The following PCDHGB7 variants were observed in gnomAD, a reference collection of about 807,000 sequenced individuals.
PCDHGB7 encodes protocadherin gamma subfamily B, 7.
Under a neutral mutation model 61.4 loss-of-function variants are expected in PCDHGB7, and 37 were observed. The observed-to-expected ratio is 0.60, with a 90% CI of 0.46 to 0.79. The LOEUF (loss-of-function observed/expected upper bound fraction) is 0.79. Among genes scored for constraint, PCDHGB7 ranks in the 30% least tolerant of loss-of-function variants. PCDHGB7 has a pLI of 0.00. For synonymous variants in PCDHGB7, 464 were observed against 503.5 expected (o/e 0.92, Z 1.05); for missense variants, 1,166 against 1,202.5 (o/e 0.97, Z 0.45).
At chr5:141,499,689 CTTT>C (rs545067566) in intron 2 of PCDHGB7, among the ~76,000 whole-genome samples, 2 of 119,848 alleles carry the variant, frequency 1.7e-5, no homozygotes, top group African/African-American at 3.1e-5. Context: ...TAACAGATGA[CTTT>C]TTTTTTTTTT....
chr5:141,505,794 G>A (rs1423502957), intron 3 of PCDHGB7, among the ~76,000 whole-genome samples: 1 of 152,142 alleles, frequency 6.6e-6, no homozygotes, highest in East Asian at 1.9e-4. Context: ...CTATCCTTGG[G>A]ACTTGGATCG....
chr5:141,464,208 T>G (rs915798868), intron 1 of PCDHGB7, among the ~76,000 whole-genome samples: 1 of 148,120 alleles, frequency 6.8e-6, no homozygotes, highest in Admixed American at 6.9e-5. Context: ...GAGATTGCAG[T>G]GAGCTGAGAT....
rs770930842 is a variant in PCDHGB7 at position 141,432,673 on chromosome 5, C to G, written c.2415+12399C>G. 10 of 1,613,804 alleles carry G rather than the reference C, an allele frequency of 6.2e-6. No homozygotes were observed. The East Asian group carries it at 1.3e-4, about 22-fold the overall frequency. ...GAGCCCTGCTGGACAGAGACGCGCT[C>G]AAGCAGAGCCTCGTAGTGGCCGTCC... is the stretch of plus-strand genomic sequence containing the variant. On this transcript the variant is annotated intron_variant, in intron 1 of 3. Transcript: ENST00000398594. The surrounding 1 kb of genome is among the most constrained non-coding windows in gnomAD (Gnocchi z 6.0).
chr5:141,431,474 G>T lies in PCDHGB7; in HGVS notation c.2415+11200G>T, dbSNP rs747313827. 3.7e-6 allele frequency: 6 copies of T among 1,613,842 alleles called. No homozygotes were observed. The South Asian group carries it at 6.6e-5, about 18-fold the overall frequency. ...GATGGTTCTGGATGCGAACGACAAC[G>T]CACCAGCGTTTGCTCAGCCCGAGTA... is the stretch of plus-strand genomic sequence containing the variant. On this transcript the variant is annotated intron_variant, in intron 1 of 3. Transcript: ENST00000398594. The surrounding 1 kb of genome is among the most constrained non-coding windows in gnomAD (Gnocchi z 4.8).
intron 1 of PCDHGB7, among the ~76,000 whole-genome samples, chr5:141,475,007 G>A (rs1017671344): frequency 2.0e-5 from 3 of 152,178 alleles, no homozygotes; most frequent in East Asian, 1.9e-4. Flanking sequence ...ATGCAGAAAA[G>A]TTAAGGCTCT....
Position 141,490,602 on chromosome 5 carries a change from C to G in PCDHGB7, c.2416-4205C>G, listed in dbSNP as rs1249440194. On this transcript the variant is annotated intron_variant, in intron 1 of 3. Transcript: ENST00000398594. This position sits in a 1 kb window ranked among gnomAD's most constrained non-coding sequence, Gnocchi z 5.4. Reference sequence around the variant, plus strand: ...ATGTCAATGACAATGCACCCCGCTTCAACCAGCAGCTTTACACTGCTTACA... The same window carrying G: ...ATGTCAATGACAATGCACCCCGCTTGAACCAGCAGCTTTACACTGCTTACA... The G allele has an allele frequency of 6.2e-7, 1 of 1,614,084 alleles. No individual in the cohort carries two copies. Among genetic ancestry groups the G allele is most frequent in the African/African-American group, 1.3e-5 (1 of 74,930 alleles).
chr5:141,429,395 A>AAT (rs2097212201), intron 1 of PCDHGB7, among the ~76,000 whole-genome samples: 7 of 152,008 alleles, frequency 4.6e-5, no homozygotes, highest in African/African-American at 1.7e-4. Flanking sequence ...TTTAAAAAAA[A>AAT]TTGAGATTAA....
At chr5:141,430,817 C>T (rs200369093) in intron 1 of PCDHGB7, 2 of 1,539,796 alleles carry the variant, frequency 1.3e-6, no homozygotes, top group Non-Finnish European at 1.7e-6. Flanking sequence ...GGGAATCCTC[C>T]TGGGGACTCT....
At chr5:141,484,155 T>G (rs2099592564) in intron 1 of PCDHGB7, among the ~76,000 whole-genome samples, 1 of 152,224 alleles carries the variant, frequency 6.6e-6, no homozygotes, top group Non-Finnish European at 1.5e-5. Context: ...GTAGGCACAA[T>G]GCTGTTGGTA....
intron 1 of PCDHGB7, chr5:141,422,968 C>A (rs766010601): frequency 6.2e-7 from 1 of 1,614,240 alleles, no homozygotes; most frequent in Non-Finnish European, 8.5e-7. Context: ...GCTGGCGCCC[C>A]GCTCTGCGGA....
In PCDHGB7 at chr5:141,438,090, A is replaced by G. The variant is rs560861677; in HGVS notation, c.2415+17816A>G. 1.2e-4 allele frequency among the ~76,000 whole-genome samples: 18 copies of G among 152,310 alleles called. No individual in the cohort carries two copies. In the South Asian group the frequency reaches 3.5e-3, roughly 30 times the overall value. ...CATACTTAATGGAAAATTACCAGTA[A>G]CAGGGCATACTGTTTAGGATGCATT... On this transcript the variant is annotated intron_variant, in intron 1 of 3. Coordinates refer to ENST00000398594, the MANE Select transcript of PCDHGB7 (RefSeq NM_018927.4).
At chr5:141,458,264 G>A (rs1489144612) in intron 1 of PCDHGB7, among the ~76,000 whole-genome samples, 3 of 152,092 alleles carry the variant, frequency 2.0e-5, no homozygotes, top group Non-Finnish European at 2.9e-5. Flanking sequence ...GATGAGTGGA[G>A]GAACAACAGG....
rs2096383167 is a variant in PCDHGB7, at chr5:141,419,435, C to CGCACCT, written c.1577_1582dup (p.Thr527_Phe528insCysThr). On this transcript the variant is annotated inframe_insertion, in exon 1 of 4. Transcript: ENST00000398594. ...GCGCGCCTTCGACCACGAGCAGCTG[C>CGCACCT]GCACCTTCGAGCTCACGCTGCAGGC... is the stretch of plus-strand genomic sequence containing the variant. The CGCACCT allele has an allele frequency of 6.2e-7, 1 of 1,613,108 alleles. No homozygotes were observed. The highest frequency in any genetic ancestry group is 1.7e-5 in the Admixed American group (1 of 59,990).
intron 3 of PCDHGB7, chr5:141,507,335 T>A (rs1228652205): frequency 6.6e-6 from 1 of 151,804 alleles, no homozygotes; most frequent in Non-Finnish European, 1.5e-5. Context: ...TGCTCATTGT[T>A]TACCTGAAAT....
chr5:141,442,485 G>A (rs1000683527), intron 1 of PCDHGB7: 2 of 152,248 alleles, frequency 1.3e-5, no homozygotes, highest in Non-Finnish European at 2.9e-5. Flanking sequence ...TGGGGAAGGG[G>A]ATGATTGTGA....
At chr5:141,459,670 T>A (rs890411975) in intron 1 of PCDHGB7, among the ~76,000 whole-genome samples, 4 of 152,264 alleles carry the variant, frequency 2.6e-5, no homozygotes, top group African/African-American at 9.6e-5. Context: ...TACATTTTCA[T>A]GAGCAATGCA....
At chr5:141,478,639 A>G (rs377308663) in intron 1 of PCDHGB7, 168 of 1,552,322 alleles carry the variant, frequency 1.1e-4, no homozygotes, top group Non-Finnish European at 1.0e-4. Context: ...TTAGTGATGA[A>G]GATGTTTTCC....
At position 141,489,049 on chromosome 5, in the gene PCDHGB7, T is replaced by G; in HGVS notation, c.2416-5758T>G. 2.1e-6 allele frequency: 1 copy of G among 477,660 alleles called. No homozygotes were observed. Among genetic ancestry groups the G allele is most frequent in the Non-Finnish European group, 3.7e-6 (1 of 272,910 alleles). 29.6% of individuals were successfully genotyped at this position (477,660 alleles called of 1,614,324 possible). On this transcript the variant is annotated intron_variant, in intron 1 of 3. Transcript: ENST00000398594. The surrounding 1 kb of genome is among the most constrained non-coding windows in gnomAD (Gnocchi z 4.5). ...CTCCAGCTCCCCAGCTCCACTCAAA[T>G]TCAGCTCCCCTCCCCCCTGCCCACC... is the stretch of plus-strand genomic sequence containing the variant.
intron 1 of PCDHGB7, among the ~76,000 whole-genome samples, chr5:141,425,812 G>A (rs1472168775): frequency 6.6e-6 from 1 of 152,054 alleles, no homozygotes; most frequent in African/African-American, 2.4e-5. Context: ...CTTCTGCTTA[G>A]AAAAAAACAA....
Sources: allele counts gnomAD v4.1 joint callset (sites outside exome capture counted in the v4.1 genomes callset), GRCh38; gene constraint gnomAD v4.1.1; non-coding constraint Gnocchi (gnomAD v3.1); transcripts MANE v1.5; gene names NCBI Gene and HGNC (gene_info 2026-07-23, HGNC 2026-07-21).